Variants in ST7L observed in about 807,000 individuals in gnomAD.
ST7L encodes the protein suppression of tumorigenicity 7 like.
A neutral mutation model predicts 72.5 loss-of-function variants in ST7L; 57 were observed. That is an observed-to-expected ratio of 0.79 (90% CI 0.64 to 0.98). The LOEUF (loss-of-function observed/expected upper bound fraction) is 0.98, where lower values mean the gene tolerates loss of function less well. Among genes scored for constraint, ST7L ranks in the 50% least tolerant of loss-of-function variants. The probability of loss-of-function intolerance (pLI) is 0.00; values close to 1 mark genes in which losing one functional copy is unlikely to be tolerated. For synonymous variants in ST7L, 221 were observed against 240.9 expected (o/e 0.92, Z 0.77); for missense variants, 576 against 672.2 (o/e 0.86, Z 1.58).
intron 11 of ST7L, among the ~76,000 whole-genome samples, chr1:112,561,165 A>C (rs894249197): frequency 1.3e-5 from 2 of 151,866 alleles, no homozygotes; most frequent in Admixed American, 1.3e-4. Flanking sequence ...CTGACCGATG[A>C]TTTTTTTCAG....
intron 11 of ST7L, among the ~76,000 whole-genome samples, chr1:112,573,525 T>A (rs1662522357): frequency 1.3e-5 from 2 of 151,908 alleles, no homozygotes; most frequent in South Asian, 2.1e-4. Flanking sequence ...AAACAAAAAA[T>A]TTCAATAGTT....
At chr1:112,534,247 G>A (rs969776453) in intron 14 of ST7L, among the ~76,000 whole-genome samples, 3 of 152,042 alleles carry the variant, frequency 2.0e-5, no homozygotes, top group Non-Finnish European at 4.4e-5. Context: ...ACTATCTCTG[G>A]TATGAAATTT....
At chr1:112,562,265 A>G (rs6673930) in intron 11 of ST7L, among the ~76,000 whole-genome samples, 35,825 of 151,964 alleles carry the variant, frequency 0.24, 4,380 homozygotes, top group Middle Eastern at 0.26. Context: ...ACTGTGCCCA[A>G]TCTACTTTCT....
At chr1:112,563,907 T>C (rs1298039786) in intron 11 of ST7L, among the ~76,000 whole-genome samples, 2 of 152,242 alleles carry the variant, frequency 1.3e-5, no homozygotes, top group African/African-American at 4.8e-5. Flanking sequence ...GTAATGATAA[T>C]GCTTTATAAT....
chr1:112,550,647 G>A lies in ST7L; in HGVS notation c.1443C>T (p.Tyr481=), dbSNP rs201770031. 2.4e-4 allele frequency: 382 copies of A among 1,613,354 alleles called. 4 individuals carry two copies. In the Middle Eastern group the frequency reaches 7.1e-3, roughly 30 times the overall value. The change falls in exon 13 of 15, where the codon TAC becomes TAT. Residue 481 remains tyrosine, a synonymous_variant. Coordinates refer to ENST00000358039, the MANE Select transcript of ST7L (RefSeq NM_017744.5). The part of the protein sequence containing the change: ...PYPLEKGHLF[Y]PYPSCTETAD... The stretch of plus-strand genomic sequence containing the variant: ...CCGTCTCTGTGCAGCTGGGATAAGG[G>A]TAAAATAGATGTCCTTTCTCTAACG...
intron 1 of ST7L, 186 bp downstream of exon 1, chr1:112,618,723 G>A: frequency 7.8e-7 from 1 of 1,283,812 alleles, no homozygotes; most frequent in South Asian, 1.6e-5. Flanking sequence ...GGAGGAGCCG[G>A]TAACGGCAGC....
intron 6 of ST7L, among the ~76,000 whole-genome samples, chr1:112,587,195 T>C (rs750123752): frequency 1.3e-5 from 2 of 152,218 alleles, no homozygotes; most frequent in African/African-American, 2.4e-5. Flanking sequence ...TTGGGATATA[T>C]GGTATGAGGT....
At chr1:112,573,024 T>C (rs1038313344) in intron 11 of ST7L, among the ~76,000 whole-genome samples, 3 of 151,826 alleles carry the variant, frequency 2.0e-5, no homozygotes, top group Admixed American at 2.0e-4. Context: ...AAGAACCTGA[T>C]CAAGAAAAAT....
At chr1:112,599,073 AAT>A (rs71084479) in intron 4 of ST7L, among the ~76,000 whole-genome samples, 113 of 56,964 alleles carry the variant, frequency 2.0e-3, no homozygotes, top group African/African-American at 3.4e-3. Flanking sequence ...AAAAAAAAAA[AAT>A]ATATATATAT....
rs61349207 is a variant in ST7L at position 112,568,861 on chromosome 1, A to AATATAAAT, written c.1245+8124_1245+8125insATTTATAT. ...CCTGTTTTTTATAAATATAAATATA[A>AATATAAAT]ATATATATATATATATATATATATA... On this transcript the variant is annotated intron_variant, in intron 11 of 14. Coordinates refer to ENST00000358039, the MANE Select transcript of ST7L (RefSeq NM_017744.5). 8.1e-3 allele frequency among the ~76,000 whole-genome samples: 928 copies of AATATAAAT among 114,774 alleles called. 9 individuals carry two copies. The highest frequency in any genetic ancestry group is 0.03 in the African/African-American group (872 of 28,670). 75.3% of individuals were successfully genotyped at this position (114,774 alleles called of 152,430 possible).
rs927119309 is a variant in ST7L at position 112,550,489 on chromosome 1, T to G, written c.1489+112A>C. Reference sequence around the variant, plus strand: ...CATCCCAGAAGTGGCTAAAATAGTATTTAAACAGTGTCCTGAATTTAAACC... The same window carrying G: ...CATCCCAGAAGTGGCTAAAATAGTAGTTAAACAGTGTCCTGAATTTAAACC... On this transcript the variant is annotated intron_variant, in intron 13 of 14. Transcript: ENST00000358039. The G allele has an allele frequency of 2.5e-5, 18 of 732,820 alleles. No individual in the cohort carries two copies. In the African/African-American group the frequency reaches 3.2e-4, roughly 13 times the overall value. 45.4% of individuals were successfully genotyped at this position (732,820 alleles called of 1,614,324 possible). A position where few individuals can be genotyped will look rare whatever the true frequency, so the allele number is the denominator to read the frequency against.
chr1:112,581,081 T>C (rs1175115133), intron 9 of ST7L, among the ~76,000 whole-genome samples: 1 of 152,230 alleles, frequency 6.6e-6, no homozygotes, highest in Non-Finnish European at 1.5e-5. Flanking sequence ...CTTATTCAGT[T>C]AATTGGAGAC....
chr1:112,611,874 T>C (rs1389881297), intron 2 of ST7L, among the ~76,000 whole-genome samples: 1 of 144,702 alleles, frequency 6.9e-6, no homozygotes, highest in Non-Finnish European at 1.5e-5. Flanking sequence ...GAAGTTGAAG[T>C]GGGAGGATCT....
intron 14 of ST7L, chr1:112,541,734 C>T (rs1557950359): frequency 7.7e-6 from 9 of 1,168,046 alleles, no homozygotes; most frequent in African/African-American, 1.6e-5. Flanking sequence ...TTGTTACAAT[C>T]TTATATTGTA....
chr1:112,588,369 G>C (rs1441997814), intron 6 of ST7L, among the ~76,000 whole-genome samples: 1 of 152,190 alleles, frequency 6.6e-6, no homozygotes, highest in Non-Finnish European at 1.5e-5. Context: ...CCTTTTTTCT[G>C]ATGGTGGAGG....
Position 112,604,327 on chromosome 1 carries a change from TACA to T in ST7L, c.452-3482_452-3480del, listed in dbSNP as rs140984273. ...TCATCACAAAATAAATAAATAAAAA[TACA>T]ACAATTCTCCCCCAAAAGTCTTAAC... On this transcript the variant is annotated intron_variant, in intron 3 of 14. Transcript: ENST00000358039. 3.0e-3 allele frequency among the ~76,000 whole-genome samples: 463 copies of T among 151,972 alleles called. 4 individuals are homozygous for T. Among genetic ancestry groups the T allele is most frequent in the African/African-American group, 0.01 (435 of 41,478 alleles).
intron 6 of ST7L, among the ~76,000 whole-genome samples, chr1:112,589,617 T>C (rs912080424): frequency 2.0e-5 from 3 of 152,232 alleles, no homozygotes; most frequent in Non-Finnish European, 4.4e-5. Context: ...TGACCAGTGA[T>C]GTGTGTGCTA....
intron 13 of ST7L, among the ~76,000 whole-genome samples, chr1:112,546,064 C>A (rs1458709697): frequency 6.6e-6 from 1 of 151,962 alleles, no homozygotes; most frequent in Non-Finnish European, 1.5e-5. Context: ...GTGGCTCACA[C>A]CTGTATTCCC....
At chr1:112,520,481 A>G, downstream of ST7L, 1 of 1,614,200 alleles carries the variant, frequency 6.2e-7, no homozygotes, top group South Asian at 1.1e-5. Context: ...AAAGCCCCCA[A>G]GAAGGCAGAG....
Sources: allele counts gnomAD v4.1 joint callset (sites outside exome capture counted in the v4.1 genomes callset), GRCh38; gene constraint gnomAD v4.1.1; transcripts MANE v1.5; gene names NCBI Gene and HGNC (gene_info 2026-07-23, HGNC 2026-07-21).